Variants in IPO8 observed in about 807,000 individuals in gnomAD.
IPO8 encodes the protein importin 8.
IPO8 carries 65 observed loss-of-function variants against 141.2 expected under a neutral mutation model. That is an observed-to-expected ratio of 0.46 (90% confidence interval 0.38 to 0.57). The LOEUF (loss-of-function observed/expected upper bound fraction) is 0.57. Ranked by LOEUF, IPO8 falls within the 20% of genes least tolerant of loss-of-function variation. The pLI, the probability that IPO8 is intolerant of heterozygous loss-of-function variation, is 0.00. For synonymous variants in IPO8, 411 were observed against 420.3 expected (o/e 0.98, Z 0.27); for missense variants, 980 against 1,246.8 (o/e 0.79, Z 3.22).
intron 20 of IPO8, among the ~76,000 whole-genome samples, chr12:30,641,528 G>A (rs1426553760): frequency 7.1e-6 from 1 of 140,218 alleles, no homozygotes; most frequent in Non-Finnish European, 1.5e-5. Context: ...TGGAGACAGA[G>A]TCTTGCTCTG....
At chr12:30,675,609 C>T (rs372809515) in intron 6 of IPO8, among the ~76,000 whole-genome samples, 2 of 150,890 alleles carry the variant, frequency 1.3e-5, no homozygotes, top group South Asian at 2.1e-4. Context: ...GGGTGGATCA[C>T]GAGGTCAGGA....
Position 30,671,040 on chromosome 12 carries a change from A to T in IPO8, c.966T>A (p.Val322=), listed in dbSNP as rs1169759453. 2 of 1,610,698 alleles carry T rather than the reference A, an allele frequency of 1.2e-6. No individual in the cohort carries two copies. The highest frequency in any genetic ancestry group is 3.3e-5 in the Admixed American group (2 of 60,020). The part of the protein sequence containing the change: ...YRQKEYVAPR[V]LQQAFNYLNQ... Reference sequence around the variant, plus strand: ...TGAGATAGTTGAATGCTTGCTGAAGAACACGGGGAGCTACATATTCTTTCT... The same window carrying T: ...TGAGATAGTTGAATGCTTGCTGAAGTACACGGGGAGCTACATATTCTTTCT... Residue 322 remains valine (V), a synonymous_variant, in exon 9 of 25, where the codon GTT becomes GTA. Transcript: ENST00000256079.
At chr12:30,646,092 C>T (rs1452151286) in intron 20 of IPO8, among the ~76,000 whole-genome samples, 1 of 152,106 alleles carries the variant, frequency 6.6e-6, no homozygotes, top group East Asian at 1.9e-4. Context: ...ATATTATGCA[C>T]ATAGACACAA....
At chr12:30,682,487 A>T (rs1381721076) in intron 3 of IPO8, among the ~76,000 whole-genome samples, 1 of 152,220 alleles carries the variant, frequency 6.6e-6, no homozygotes, top group Non-Finnish European at 1.5e-5. Flanking sequence ...ACAGAAAAAG[A>T]AAATATTCCT....
intron 2 of IPO8, among the ~76,000 whole-genome samples, chr12:30,689,456 C>T (rs11608803): frequency 0.062 from 9,397 of 152,122 alleles, 376 homozygotes; most frequent in Middle Eastern, 0.12. Flanking sequence ...TCTTGTAAAC[C>T]TTATAAAAGC....
At position 30,684,300 on chromosome 12, in the gene IPO8, C is replaced by A; in HGVS notation, c.323+1G>T. 1 of 1,613,566 alleles carries A rather than the reference C, an allele frequency of 6.2e-7. No individual in the cohort carries two copies. Among genetic ancestry groups the A allele is most frequent in the Non-Finnish European group, 8.5e-7 (1 of 1,179,602 alleles). ...AATCACAAATATATAGCACCACATACCTCACTAAATCTGGAGACCGAATTA... is the reference window on the plus strand; with the variant it reads ...AATCACAAATATATAGCACCACATAACTCACTAAATCTGGAGACCGAATTA... On this transcript the variant is annotated splice_donor_variant, in intron 3 of 24. Transcript: ENST00000256079. LOFTEE classifies it high-confidence loss of function.
At chr12:30,657,139 A>T (rs925157471) in intron 16 of IPO8, among the ~76,000 whole-genome samples, 1 of 152,170 alleles carries the variant, frequency 6.6e-6, no homozygotes, top group Non-Finnish European at 1.5e-5. Flanking sequence ...TGACTAAAAA[A>T]TTAAAGAATT....
chr12:30,668,059 A>G (rs552146092), intron 10 of IPO8, among the ~76,000 whole-genome samples: 15 of 149,628 alleles, frequency 1.0e-4, no homozygotes, highest in Admixed American at 4.6e-4. Flanking sequence ...GAACAAAAAA[A>G]AGAGAGAGAG....
At chr12:30,678,798 T>C (rs1274217719) in intron 5 of IPO8, among the ~76,000 whole-genome samples, 3 of 152,096 alleles carry the variant, frequency 2.0e-5, no homozygotes, top group African/African-American at 7.2e-5. Context: ...TATCCAAGTG[T>C]CCTGTACAAA....
At chr12:30,673,369 A>G (rs760270722) in intron 8 of IPO8, among the ~76,000 whole-genome samples, 1 of 152,230 alleles carries the variant, frequency 6.6e-6, no homozygotes, top group Non-Finnish European at 1.5e-5. Flanking sequence ...ATAATTAATA[A>G]ATTTTATTGA....
chr12:30,656,810 A>C, intron 16 of IPO8, 60 bp from the exon 17 acceptor site: 4 of 786,320 alleles, frequency 5.1e-6, no homozygotes, highest in Non-Finnish European at 7.8e-6. Context: ...TAAATTTAAT[A>C]TTGTGCCAAT....
intron 19 of IPO8, among the ~76,000 whole-genome samples, chr12:30,650,830 T>C (rs898313946): frequency 6.6e-6 from 1 of 152,066 alleles, no homozygotes; most frequent in Non-Finnish European, 1.5e-5. Context: ...AGCTATGTGA[T>C]TGCAACTATT....
rs2053325462 is a variant in IPO8 at position 30,695,111 on chromosome 12, G to A, written c.84+453C>T. 2.3e-6 allele frequency: 1 copy of A among 437,472 alleles called. No homozygotes were observed. The highest frequency in any genetic ancestry group is 4.6e-6 in the Non-Finnish European group (1 of 219,656). The allele number at this position is 437,472 out of a possible 1,614,324, so 27.1% of individuals were successfully genotyped here. A position where few individuals can be genotyped will look rare whatever the true frequency, so the allele number is the denominator to read the frequency against. The stretch of plus-strand genomic sequence containing the variant: ...TCAAAACAGTCCTGCCAACCCGACA[G>A]GAGGAGGCGGTGGGCAGCGTGCTCC... On this transcript the variant is annotated intron_variant, in intron 1 of 24. Transcript: ENST00000256079. The surrounding 1 kb of genome is among the most constrained non-coding windows in gnomAD (Gnocchi z 4.2).
chr12:30,666,303 C>G (rs79351127), intron 10 of IPO8, 52 bp from the exon 11 acceptor site: 4 of 1,349,924 alleles, frequency 3.0e-6, no homozygotes, highest in Middle Eastern at 4.8e-4. Flanking sequence ...ATTACTTATT[C>G]TAGATTTTAA....
chr12:30,656,645 T>A (rs2052804725), intron 17 of IPO8, 39 bp downstream of exon 17: 2 of 1,293,282 alleles, frequency 1.5e-6, no homozygotes, highest in Non-Finnish European at 2.1e-6. Context: ...ATTTTTAAAA[T>A]TTTTTCAATT....
rs1488430047 is a variant in IPO8, at chr12:30,630,133, A to G, written c.*727T>C. ...ACTTACAAGGTTAGGAGTGAAACTG[A>G]TATGTGTATTTGTTGACCCCAAAAG... is the stretch of plus-strand genomic sequence containing the variant. On this transcript the variant is annotated 3_prime_UTR_variant, in exon 25 of 25. Transcript: ENST00000256079. 1.3e-5 allele frequency: 2 copies of G among 152,196 alleles called. No homozygotes were observed. Among genetic ancestry groups the G allele is most frequent in the Admixed American group, 6.5e-5 (1 of 15,286 alleles). 9.4% of individuals were successfully genotyped at this position (152,196 alleles called of 1,614,324 possible). A position where few individuals can be genotyped will look rare whatever the true frequency, so the allele number is the denominator to read the frequency against.
chr12:30,676,875 T>A, intron 5 of IPO8: 1 of 1,412,166 alleles, frequency 7.1e-7, no homozygotes, highest in Non-Finnish European at 9.7e-7. Context: ...AGATTCTAAG[T>A]GAGTGATTTT....
intron 2 of IPO8, among the ~76,000 whole-genome samples, chr12:30,689,673 C>T (rs2053272914): frequency 6.6e-6 from 1 of 152,126 alleles, no homozygotes; most frequent in Admixed American, 6.6e-5. Context: ...GTTCATCTAT[C>T]CTTCTACGTG....
At chr12:30,686,209 C>A (rs16906678) in intron 2 of IPO8, 1 of 151,978 alleles carries the variant, frequency 6.6e-6, no homozygotes, top group East Asian at 1.9e-4. Context: ...CATGTTTTAT[C>A]GGGTATAGTC....
Sources: allele counts gnomAD v4.1 joint callset (sites outside exome capture counted in the v4.1 genomes callset), GRCh38; gene constraint gnomAD v4.1.1; non-coding constraint Gnocchi (gnomAD v3.1); transcripts MANE v1.5; gene names NCBI Gene and HGNC (gene_info 2026-07-23, HGNC 2026-07-21).